Variants in SORCS2 observed in about 807,000 individuals in gnomAD.
SORCS2 encodes the protein VPS10 domain-containing receptor SorCS2.
Under a neutral mutation model 141.6 loss-of-function variants are expected in SORCS2, and 100 were observed. The ratio of observed to expected loss-of-function variants is 0.71; its 90% confidence interval spans 0.60 to 0.83. The LOEUF (loss-of-function observed/expected upper bound fraction) is 0.83. Among genes scored for constraint, SORCS2 ranks in the 40% least tolerant of loss-of-function variants. SORCS2 has a pLI of 0.00. For synonymous variants in SORCS2, 789 were observed against 676.9 expected (o/e 1.17, Z -2.57); for missense variants, 1,646 against 1,560.2 (o/e 1.05, Z -0.93).
intron 3 of SORCS2, among the ~76,000 whole-genome samples, chr4:7,621,699 C>T (rs1719205087): frequency 6.6e-6 from 1 of 152,208 alleles, no homozygotes; most frequent in Non-Finnish European, 1.5e-5. Flanking sequence ...AAATCCCACA[C>T]AGAAACCCAG....
At chr4:7,500,721 C>G (rs903521158) in intron 2 of SORCS2, among the ~76,000 whole-genome samples, 1 of 152,130 alleles carries the variant, frequency 6.6e-6, no homozygotes, top group African/African-American at 2.4e-5. Flanking sequence ...CATCGCACGT[C>G]GTCCAAGAGG....
intron 23 of SORCS2, among the ~76,000 whole-genome samples, chr4:7,733,112 A>G (rs1577134942): frequency 1.5e-5 from 1 of 68,200 alleles, no homozygotes; most frequent in African/African-American, 5.9e-5. Flanking sequence ...CACTCTCTCC[A>G]CCAGAGGAGG....
intron 1 of SORCS2, among the ~76,000 whole-genome samples, chr4:7,256,230 C>G (rs1315853342): frequency 6.6e-6 from 1 of 152,098 alleles, no homozygotes; most frequent in Non-Finnish European, 1.5e-5. Flanking sequence ...AGCACATGCC[C>G]GCTCAGAGGG....
intron 2 of SORCS2, among the ~76,000 whole-genome samples, chr4:7,525,460 C>G (rs550017978): frequency 2.3e-4 from 35 of 152,140 alleles, no homozygotes; most frequent in African/African-American, 8.4e-4. Context: ...ACCCCCCAAC[C>G]GTGCTTCACC....
intron 2 of SORCS2, among the ~76,000 whole-genome samples, chr4:7,403,979 ATATATATATATATATATATTTTTTT>A (rs1437371389): frequency 3.9e-4 from 7 of 17,896 alleles, no homozygotes; most frequent in Non-Finnish European, 6.3e-4. Flanking sequence ...ATATATATAT[ATATATATATATATATATATTTTTTT>A]TTTTTTTTTA....
At chr4:7,366,998 T>A (rs1305263539) in intron 1 of SORCS2, among the ~76,000 whole-genome samples, 1 of 152,208 alleles carries the variant, frequency 6.6e-6, no homozygotes, top group Non-Finnish European at 1.5e-5. Context: ...GGATATAGGC[T>A]AGTGCAGTGA....
Position 7,214,674 on chromosome 4 carries a change from C to T in SORCS2, c.480+21548C>T, listed in dbSNP as rs144969386. The stretch of plus-strand genomic sequence containing the variant: ...AGGTCACTGTGTTCCAGCTGGGATA[C>T]CTCCAGTGATGGGAGGCTCACCCCT... On this transcript the variant is annotated intron_variant, in intron 1 of 26. Coordinates refer to ENST00000507866, the MANE Select transcript of SORCS2 (RefSeq NM_020777.3). 3.0e-3 allele frequency among the ~76,000 whole-genome samples: 464 copies of T among 152,326 alleles called. 4 individuals are homozygous for T. Among genetic ancestry groups the T allele is most frequent in the African/African-American group, 0.01 (420 of 41,562 alleles).
chr4:7,714,339 C>A lies in SORCS2; in HGVS notation c.2089C>A (p.Arg697Ser). Residue 697 changes from arginine (R) to serine (S), a missense_variant, in exon 16 of 27, where the codon CGC becomes AGC. Arg to Ser is a moderately radical substitution (Grantham distance 110). Transcript: ENST00000507866. ...GAGCTTCACGTCGGCGCTCACGTCC[C>A]GCGTGTGCGAGTGCCGGGACTCGGA... ...GRSFTSALTS[R>S]VCECRDSDFL... is the part of the protein sequence containing the mutation. 6.4e-7 allele frequency: 1 copy of A among 1,567,776 alleles called. No homozygotes were observed. Among genetic ancestry groups the A allele is most frequent in the East Asian group, 2.4e-5 (1 of 41,950 alleles).
In SORCS2 at chr4:7,540,171, C is replaced by CCTCCCTGCCT. The variant is rs1712499338; in HGVS notation, c.648+8551_648+8552insTCTCCCTGCC. Among the ~76,000 whole-genome samples the CCTCCCTGCCT allele has an allele frequency of 9.3e-4, 3 of 3,212 alleles. No individual in the cohort carries two copies. In the Admixed American group the frequency reaches 0.019, roughly 20 times the overall value. The allele number at this position is 3,212 out of a possible 152,430, so 2.1% of individuals were successfully genotyped here. A position where few individuals can be genotyped will look rare whatever the true frequency, so the allele number is the denominator to read the frequency against. ...CTCCCCGCCCCTGCCTCTCCCTGCCCCTCCCTGCCCCTCCCTGCCCCTCCC... is the reference window on the plus strand; with the variant it reads ...CTCCCCGCCCCTGCCTCTCCCTGCCCCTCCCTGCCTCTCCCTGCCCCTCCCTGCCCCTCCC... On this transcript the variant is annotated intron_variant, in intron 3 of 26. Transcript: ENST00000507866.
intron 8 of SORCS2, among the ~76,000 whole-genome samples, chr4:7,675,771 G>A (rs1164151942): frequency 4.6e-5 from 7 of 152,196 alleles, no homozygotes; most frequent in African/African-American, 1.4e-4. Flanking sequence ...GGGACCAGGA[G>A]GAGGAGGTGT....
chr4:7,298,485 C>A (rs188811062), intron 1 of SORCS2, among the ~76,000 whole-genome samples: 7 of 152,176 alleles, frequency 4.6e-5, no homozygotes, highest in Non-Finnish European at 1.0e-4. Context: ...GATCGGTCAG[C>A]GACCCAGGCA....
chr4:7,197,494 T>C (rs12642071), intron 1 of SORCS2, among the ~76,000 whole-genome samples: 31,150 of 152,008 alleles, frequency 0.2, 3,298 homozygotes, highest in South Asian at 0.3. Flanking sequence ...CCCCCGATAA[T>C]GCTGATGGGG....
intron 1 of SORCS2, among the ~76,000 whole-genome samples, chr4:7,373,022 T>TTTC (rs1553850390): frequency 7.3e-5 from 11 of 151,030 alleles, no homozygotes; most frequent in South Asian, 2.1e-4. Context: ...TTTTTTTTTT[T>TTTC]CCCCTATCAT....
chr4:7,622,259 C>T (rs1719243682), intron 3 of SORCS2, among the ~76,000 whole-genome samples: 1 of 152,184 alleles, frequency 6.6e-6, no homozygotes, highest in Admixed American at 6.5e-5. Flanking sequence ...AGGATCGAGG[C>T]CCCCATAGAC....
chr4:7,218,280 C>T (rs962234784), intron 1 of SORCS2, among the ~76,000 whole-genome samples: 9 of 152,170 alleles, frequency 5.9e-5, no homozygotes, highest in African/African-American at 1.9e-4. Flanking sequence ...ATTTGTGCTG[C>T]GTAAATGGAT....
chr4:7,291,853 C>T (rs975313569), intron 1 of SORCS2, among the ~76,000 whole-genome samples: 24 of 152,242 alleles, frequency 1.6e-4, no homozygotes, highest in Non-Finnish European at 2.9e-5. Flanking sequence ...GGTCACCTAG[C>T]CCATAAATGA....
intron 3 of SORCS2, among the ~76,000 whole-genome samples, chr4:7,569,539 C>T (rs1171162189): frequency 6.6e-5 from 10 of 152,090 alleles, no homozygotes; most frequent in Admixed American, 6.6e-4. Context: ...GAAATATCTA[C>T]AGAAGGAGGA....
rs761441600 is a variant in SORCS2 at position 7,718,032 on chromosome 4, A to G, written c.2273A>G (p.Asn758Ser). 1.9e-6 allele frequency: 3 copies of G among 1,606,488 alleles called. No individual in the cohort carries two copies. Among genetic ancestry groups the G allele is most frequent in the South Asian group, 2.2e-5 (2 of 89,756 alleles). Reference sequence around the variant, plus strand: ...TCCAGGTACCGGAAAGTGGTGTCCAACGTGTGTGAGGGTGGGGTGGACATG... The same window carrying G: ...TCCAGGTACCGGAAAGTGGTGTCCAGCGTGTGTGAGGGTGGGGTGGACATG... Reference protein sequence around the residue: ...SSLGYRKVVSNVCEGGVDMQQ... With the variant: ...SSLGYRKVVSSVCEGGVDMQQ... Residue 758 changes from asparagine to serine, a missense_variant, in exon 18 of 27, where the codon AAC (asparagine) becomes AGC (serine). Physicochemically the swap from Asn to Ser is conservative, Grantham distance 46 (BLOSUM62 1). Transcript: ENST00000507866.
chr4:7,214,342 G>A (rs1728206140), intron 1 of SORCS2, among the ~76,000 whole-genome samples: 1 of 152,108 alleles, frequency 6.6e-6, no homozygotes, highest in Non-Finnish European at 1.5e-5. Flanking sequence ...CTGATGAGGG[G>A]ATGAATTTCA....
Sources: allele counts gnomAD v4.1 joint callset (sites outside exome capture counted in the v4.1 genomes callset), GRCh38; gene constraint gnomAD v4.1.1; transcripts MANE v1.5; gene names NCBI Gene and HGNC (gene_info 2026-07-23, HGNC 2026-07-21).